The following PTBP2 variants were observed in gnomAD, a reference collection of about 807,000 sequenced individuals.
PTBP2 encodes the protein polypyrimidine tract binding protein 2.
PTBP2 carries 13 observed loss-of-function variants against 61.4 expected under a neutral mutation model. The observed-to-expected ratio is 0.21, with a 90% confidence interval of 0.14 to 0.34. The LOEUF (loss-of-function observed/expected upper bound fraction) is 0.34, where lower values mean the gene tolerates loss of function less well. PTBP2 is among the 10% of genes least tolerant of loss of function. PTBP2 has a pLI of 1.00. For synonymous variants in PTBP2, 215 were observed against 218.5 expected, an observed-to-expected ratio of 0.98 and a Z score of 0.14; for missense variants, 405 against 642.6, an observed-to-expected ratio of 0.63 and a Z score of 4.00.
At chr1:96,762,566 G>A (rs555192960) in intron 3 of PTBP2, among the ~76,000 whole-genome samples, 58 of 144,096 alleles carry the variant, frequency 4.0e-4, no homozygotes, top group African/African-American at 1.5e-3. Context: ...CCTCCTTCCC[G>A]GACGGGGCGG....
chr1:96,779,302 A>G (rs774878935), intron 7 of PTBP2, among the ~76,000 whole-genome samples: 1 of 152,072 alleles, frequency 6.6e-6, no homozygotes. Flanking sequence ...GACATTTTTC[A>G]CAACTTCAAA....
chr1:96,807,542 A>T (rs888026464), intron 11 of PTBP2, among the ~76,000 whole-genome samples: 1 of 152,230 alleles, frequency 6.6e-6, no homozygotes, highest in Non-Finnish European at 1.5e-5. Flanking sequence ...ACACACCTGC[A>T]CATTCACACC....
chr1:96,739,261 C>T (rs1025168095), intron 2 of PTBP2, among the ~76,000 whole-genome samples: 7 of 151,858 alleles, frequency 4.6e-5, no homozygotes, highest in Admixed American at 1.3e-4. Context: ...TTTCTTGTTT[C>T]TTTAAAAAAC....
At chr1:96,801,884 T>C (rs944995922) in intron 8 of PTBP2, among the ~76,000 whole-genome samples, 22 of 148,434 alleles carry the variant, frequency 1.5e-4, no homozygotes, top group African/African-American at 4.0e-4. Context: ...AAAAAAGTTA[T>C]TGGTTTTAAT....
intron 2 of PTBP2, among the ~76,000 whole-genome samples, chr1:96,739,113 T>G (rs1189932957): frequency 1.3e-5 from 2 of 152,180 alleles, no homozygotes; most frequent in African/African-American, 4.8e-5. Context: ...AATAGAGTAG[T>G]TTTCTCCAGG....
At position 96,721,814 on chromosome 1, in the gene PTBP2, C is replaced by G. The variant is rs746695158; in HGVS notation, c.-51C>G. 5.2e-6 allele frequency: 8 copies of G among 1,553,142 alleles called. No individual in the cohort carries two copies. Among genetic ancestry groups the G allele is most frequent in the South Asian group, 2.4e-5 (2 of 84,192 alleles). On this transcript the variant is annotated 5_prime_UTR_variant, in exon 1 of 14. Coordinates refer to ENST00000674951, the MANE Select transcript of PTBP2 (RefSeq NM_021190.4). ...CCATTTTCTCGCCGCTTGTGTGGCT[C>G]GCTGGCTGCGTGGCTCGGTTCTTGT...
At chr1:96,753,683 A>AG (rs1347283721) in intron 3 of PTBP2, among the ~76,000 whole-genome samples, 6 of 152,316 alleles carry the variant, frequency 3.9e-5, no homozygotes, top group African/African-American at 1.4e-4. Context: ...TAAGCTGTAA[A>AG]GGAAAAGATT....
intron 3 of PTBP2, among the ~76,000 whole-genome samples, chr1:96,768,274 A>T (rs6690125): frequency 0.045 from 6,832 of 152,130 alleles, 478 homozygotes; most frequent in African/African-American, 0.15. Flanking sequence ...AACGTAAAAC[A>T]TTGCTAGACA....
chr1:96,773,066 G>A (rs1207860357), intron 5 of PTBP2, among the ~76,000 whole-genome samples: 1 of 150,056 alleles, frequency 6.7e-6, no homozygotes, highest in Non-Finnish European at 1.5e-5. Context: ...TGGAGCTTGC[G>A]GTGATCCCAG....
chr1:96,724,482 CATGATCTGCCTGCCTCTT>C (rs1014625990), intron 2 of PTBP2, among the ~76,000 whole-genome samples: 3 of 152,112 alleles, frequency 2.0e-5, no homozygotes, highest in Admixed American at 2.0e-4. Flanking sequence ...CTCCTGACCT[CATGATCTGCCTGCCTCTT>C]ATGATCTGCC....
chr1:96,736,426 T>A (rs1006910943), intron 2 of PTBP2, among the ~76,000 whole-genome samples: 1 of 151,966 alleles, frequency 6.6e-6, no homozygotes, highest in Admixed American at 6.6e-5. Context: ...GACACTGGAG[T>A]TTGAGTTCTG....
intron 3 of PTBP2, among the ~76,000 whole-genome samples, chr1:96,768,559 G>T (rs553175635): frequency 6.6e-6 from 1 of 152,034 alleles, no homozygotes; most frequent in East Asian, 1.9e-4. Flanking sequence ...AAAAGACTAA[G>T]AACCATTGAT....
At chr1:96,727,583 T>C (rs1650754668) in intron 2 of PTBP2, among the ~76,000 whole-genome samples, 1 of 152,182 alleles carries the variant, frequency 6.6e-6, no homozygotes, top group African/African-American at 2.4e-5. Context: ...TGATTATAGA[T>C]ATTGTAGTGT....
At chr1:96,807,904 A>C (rs1022751052) in intron 11 of PTBP2, among the ~76,000 whole-genome samples, 3 of 152,222 alleles carry the variant, frequency 2.0e-5, no homozygotes, top group African/African-American at 7.2e-5. Context: ...TGATTATGTC[A>C]AGATACTTAG....
intron 2 of PTBP2, among the ~76,000 whole-genome samples, chr1:96,742,720 G>A (rs890170327): frequency 1.5e-4 from 22 of 146,200 alleles, no homozygotes; most frequent in Non-Finnish European, 7.5e-5. Context: ...TCATTTAAAG[G>A]TTTTAAGCTA....
At chr1:96,816,046 G>T (rs1398545004), downstream of PTBP2, 2 of 152,164 alleles carry the variant, frequency 1.3e-5, no homozygotes, top group Non-Finnish European at 2.9e-5. Context: ...GCCTTGGGAA[G>T]GAGAAACTAA....
At chr1:96,722,346 A>G (rs1649708062) in intron 1 of PTBP2, among the ~76,000 whole-genome samples, 1 of 151,998 alleles carries the variant, frequency 6.6e-6, no homozygotes, top group Non-Finnish European at 1.5e-5. Context: ...GACCCCAGCC[A>G]TGAGCAACCT....
At chr1:96,743,068 C>T (rs1420420281) in intron 2 of PTBP2, among the ~76,000 whole-genome samples, 3 of 151,900 alleles carry the variant, frequency 2.0e-5, no homozygotes, top group Admixed American at 6.6e-5. Flanking sequence ...GGGCAGATCA[C>T]GAGGTCAGGA....
At chr1:96,817,169 CA>C (rs1261687572), downstream of PTBP2, 2 of 152,024 alleles carry the variant, frequency 1.3e-5, no homozygotes, top group East Asian at 1.9e-4. Context: ...TGCTGTGAAA[CA>C]GGTAATTTTA....
Sources: gnomAD v4.1 joint callset for allele counts (sites outside exome capture counted in the v4.1 genomes callset) on GRCh38, gnomAD v4.1.1 for gene constraint, MANE v1.5 for transcripts, NCBI Gene and HGNC (gene_info 2026-07-23, HGNC 2026-07-21) for gene names.